NTN1: variants seen among roughly 807,000 people sequenced by gnomAD.
NTN1 encodes the protein netrin 1, also known as netrin-1.
A neutral mutation model predicts 54.2 loss-of-function variants in NTN1; 11 were observed. That is an observed-to-expected ratio of 0.20 (90% CI 0.13 to 0.34). The LOEUF is 0.34. NTN1 is among the 10% of genes least tolerant of loss of function. NTN1 has a pLI of 1.00. For synonymous variants in NTN1, 371 were observed against 382.0 expected, an observed-to-expected ratio of 0.97 and a Z score of 0.33; for missense variants, 740 against 893.1, an observed-to-expected ratio of 0.83 and a Z score of 2.18.
At chr17:9,163,049 T>C (rs771677400) in intron 3 of NTN1, 48 bp downstream of exon 3, 22 of 1,531,010 alleles carry the variant, frequency 1.4e-5, no homozygotes, top group Non-Finnish European at 1.9e-5. Context: ...CCGGGGAACA[T>C]CAGTCCTCCC....
intron 2 of NTN1, among the ~76,000 whole-genome samples, chr17:9,036,437 C>T (rs1199202779): frequency 7.6e-6 from 1 of 130,856 alleles, no homozygotes; most frequent in African/African-American, 2.9e-5. Context: ...GCTCTGTCAT[C>T]CAGTCTAGAG....
At chr17:9,208,364 C>T (rs1006076032) in intron 5 of NTN1, among the ~76,000 whole-genome samples, 1 of 152,200 alleles carries the variant, frequency 6.6e-6, no homozygotes, top group Non-Finnish European at 1.5e-5. Context: ...TTGGTCCAGG[C>T]AGCTTTGGTG....
intron 4 of NTN1, 23 bp from the exon 5 acceptor site, chr17:9,182,893 C>T (rs1353393106): frequency 1.8e-5 from 29 of 1,613,430 alleles, no homozygotes; most frequent in Non-Finnish European, 2.3e-5. Flanking sequence ...CCTCCCCTCG[C>T]CCCCGTCTTG....
chr17:9,009,819 G>A, the NTN1 span, among the ~76,000 whole-genome samples: 1 of 152,118 alleles, frequency 6.6e-6, no homozygotes, highest in Admixed American at 6.5e-5. Flanking sequence ...GAATACAGCA[G>A]GTGTTCCCTA....
intron 5 of NTN1, among the ~76,000 whole-genome samples, chr17:9,194,476 C>T (rs1158719173): frequency 6.6e-6 from 1 of 152,184 alleles, no homozygotes; most frequent in Non-Finnish European, 1.5e-5. Flanking sequence ...AACGGAAAGA[C>T]ATTCAGCAGT....
intron 6 of NTN1, among the ~76,000 whole-genome samples, chr17:9,228,873 T>TGTGTATGAGA (rs1567746394): frequency 0.012 from 149 of 12,222 alleles, no homozygotes; most frequent in African/African-American, 0.044. Flanking sequence ...AGAGTGTGTC[T>TGTGTATGAGA]GTGTGTGACT....
At chr17:9,232,026 C>T (rs1020441297) in intron 6 of NTN1, among the ~76,000 whole-genome samples, 1 of 152,188 alleles carries the variant, frequency 6.6e-6, no homozygotes, top group Non-Finnish European at 1.5e-5. Flanking sequence ...CTCCAGCCAG[C>T]CTCGGAGCAC....
intron 2 of NTN1, among the ~76,000 whole-genome samples, chr17:9,139,647 A>C (rs2092291533): frequency 6.6e-6 from 1 of 152,204 alleles, no homozygotes; most frequent in East Asian, 1.9e-4. Context: ...AATAGGAGAG[A>C]AAGAAGACAT....
the NTN1 span, among the ~76,000 whole-genome samples, chr17:9,009,768 C>CA: frequency 0.02 from 3,076 of 152,238 alleles, 101 homozygotes; most frequent in African/African-American, 0.069. Context: ...ATTTTTCCAT[C>CA]AAAATCATGA....
intron 2 of NTN1, among the ~76,000 whole-genome samples, chr17:9,036,226 T>A (rs2091903022): frequency 6.6e-6 from 1 of 150,708 alleles, no homozygotes; most frequent in East Asian, 1.9e-4. Context: ...CAAATTTATA[T>A]CTGTATACAG....
intron 2 of NTN1, among the ~76,000 whole-genome samples, chr17:9,050,918 G>A (rs756876471): frequency 2.6e-5 from 4 of 152,136 alleles, no homozygotes; most frequent in Non-Finnish European, 5.9e-5. Flanking sequence ...TTCTCCATGA[G>A]TCAGCTCCCA....
At chr17:9,199,608 C>T (rs1904727814) in intron 5 of NTN1, among the ~76,000 whole-genome samples, 1 of 152,212 alleles carries the variant, frequency 6.6e-6, no homozygotes, top group African/African-American at 2.4e-5. Context: ...GGAAAGAGAA[C>T]ATTGGGAGCT....
intron 2 of NTN1, among the ~76,000 whole-genome samples, chr17:9,078,771 C>T (rs1435853970): frequency 6.6e-6 from 1 of 152,218 alleles, no homozygotes; most frequent in East Asian, 1.9e-4. Flanking sequence ...TCTGGAGTCA[C>T]CCCTCTGAAC....
chr17:9,118,875 T>C lies in NTN1; in HGVS notation c.1019-43938T>C, dbSNP rs564687610. On this transcript the variant is annotated intron_variant, in intron 2 of 6. Transcript: ENST00000173229. ...AGTAATATTCCATTGTAGAGATATA[T>C]TGCATTTTGTGTATTCATTCACTGG... is the stretch of plus-strand genomic sequence containing the variant. Among the ~76,000 whole-genome samples, 3 of 152,256 alleles carry C rather than the reference T, an allele frequency of 2.0e-5. No individual in the cohort carries two copies. In the East Asian group the frequency reaches 5.8e-4, roughly 29 times the overall value.
intron 2 of NTN1, among the ~76,000 whole-genome samples, chr17:9,065,148 G>T (rs1032204430): frequency 1.3e-5 from 2 of 152,112 alleles, no homozygotes; most frequent in African/African-American, 4.8e-5. Flanking sequence ...TGTTGACCAG[G>T]CTGGTCTCGA....
chr17:9,221,323 C>A lies in NTN1; in HGVS notation c.1486+81C>A, dbSNP rs996965360. 4.6e-6 allele frequency: 5 copies of A among 1,077,114 alleles called. No homozygotes were observed. Among genetic ancestry groups the A allele is most frequent in the Admixed American group, 3.4e-5 (2 of 59,082 alleles). 66.7% of individuals were successfully genotyped at this position (1,077,114 alleles called of 1,614,324 possible). On this transcript the variant is annotated intron_variant, in intron 6 of 6. Coordinates refer to ENST00000173229, the MANE Select transcript of NTN1 (RefSeq NM_004822.3). The surrounding 1 kb of genome is among the most constrained non-coding windows in gnomAD (Gnocchi z 4.5). ...GGTGCTGGGGCTGGGGTGCAGCTGG[C>A]CCCCGATGGGTGTTGGTCGTGAAGA...
At chr17:9,046,053 T>C (rs2091940392) in intron 2 of NTN1, among the ~76,000 whole-genome samples, 1 of 152,120 alleles carries the variant, frequency 6.6e-6, no homozygotes, top group Admixed American at 6.5e-5. Flanking sequence ...TAAATTGGAC[T>C]TTATCAAAAT....
intron 2 of NTN1, among the ~76,000 whole-genome samples, chr17:9,051,957 G>A (rs1427577382): frequency 6.6e-6 from 1 of 150,848 alleles, no homozygotes; most frequent in Non-Finnish European, 1.5e-5. Flanking sequence ...CCAAAGACAC[G>A]TTTGGGTTTT....
At chr17:9,193,098 AAAAG>A (rs201257570) in intron 5 of NTN1, among the ~76,000 whole-genome samples, 24,154 of 140,374 alleles carry the variant, frequency 0.17, 2,241 homozygotes, top group Non-Finnish European at 0.2. Flanking sequence ...AAAAAAAAGA[AAAAG>A]AAAAAAAAGC....
Sources: allele counts gnomAD v4.1 joint callset (sites outside exome capture counted in the v4.1 genomes callset), GRCh38; gene constraint gnomAD v4.1.1; non-coding constraint Gnocchi (gnomAD v3.1); transcripts MANE v1.5; gene names NCBI Gene and HGNC (gene_info 2026-07-23, HGNC 2026-07-21).